LMNTD1: variants seen among roughly 807,000 people sequenced by gnomAD.
The protein encoded by LMNTD1 is lamin tail domain-containing protein 1.
LMNTD1 carries 35 observed loss-of-function variants against 50.9 expected under a neutral mutation model. The ratio of observed to expected loss-of-function variants is 0.69; its 90% CI spans 0.53 to 0.91. The LOEUF is 0.91. Ranked by LOEUF, LMNTD1 falls within the 40% of genes least tolerant of loss-of-function variation. The probability of loss-of-function intolerance (pLI) is 0.00; values close to 1 mark genes in which losing one functional copy is unlikely to be tolerated. For synonymous variants in LMNTD1, 153 were observed against 161.9 expected, an observed-to-expected ratio of 0.94 and a Z score of 0.42; for missense variants, 470 against 475.5, an observed-to-expected ratio of 0.99 and a Z score of 0.11.
intron 8 of LMNTD1, among the ~76,000 whole-genome samples, chr12:25,509,151 A>G (rs538886422): frequency 6.6e-6 from 1 of 152,362 alleles, no homozygotes; most frequent in Admixed American, 6.5e-5. Context: ...CTTGTCGTCC[A>G]GGCTGGAGTG....
At chr12:25,623,656 C>T (rs907955999) in intron 1 of LMNTD1, among the ~76,000 whole-genome samples, 5 of 149,080 alleles carry the variant, frequency 3.4e-5, no homozygotes, top group African/African-American at 4.9e-5. Flanking sequence ...GAATTTTGTT[C>T]TGGGATTTAG....
intron 4 of LMNTD1, among the ~76,000 whole-genome samples, chr12:25,537,969 A>G (rs1481359564): frequency 1.3e-5 from 2 of 149,958 alleles, no homozygotes; most frequent in East Asian, 2.0e-4. Flanking sequence ...AAGAAAGGGT[A>G]TCAGCAATGG....
At chr12:25,643,779 C>A (rs1410981593) in intron 1 of LMNTD1, among the ~76,000 whole-genome samples, 1 of 152,136 alleles carries the variant, frequency 6.6e-6, no homozygotes, top group Non-Finnish European at 1.5e-5. Context: ...TGGAAAGTGC[C>A]AGAGAAGTCA....
intron 1 of LMNTD1, among the ~76,000 whole-genome samples, chr12:25,621,729 A>T (rs1946477059): frequency 6.6e-6 from 1 of 152,206 alleles, no homozygotes; most frequent in African/African-American, 2.4e-5. Flanking sequence ...CACACTTGAG[A>T]TATAAAAATG....
At chr12:25,604,859 A>G (rs568404090) in intron 1 of LMNTD1, among the ~76,000 whole-genome samples, 40 of 152,284 alleles carry the variant, frequency 2.6e-4, no homozygotes, top group African/African-American at 8.9e-4. Context: ...TTGCGTATAT[A>G]CCCAGTAATG....
intron 9 of LMNTD1, among the ~76,000 whole-genome samples, chr12:25,484,505 A>G (rs2135909111): frequency 6.6e-6 from 1 of 152,006 alleles, no homozygotes; most frequent in South Asian, 2.1e-4. Context: ...TTCTTTTTAA[A>G]TTTATTTTTT....
intron 8 of LMNTD1, among the ~76,000 whole-genome samples, chr12:25,509,222 C>T (rs372331529): frequency 1.3e-5 from 2 of 152,192 alleles, no homozygotes; most frequent in South Asian, 4.1e-4. Flanking sequence ...ATTCTCCTGC[C>T]TCAGCCTCCA....
chr12:25,554,526 T>C (rs1943949957), upstream of LMNTD1, among the ~76,000 whole-genome samples: 1 of 152,232 alleles, frequency 6.6e-6, no homozygotes, highest in Non-Finnish European at 1.5e-5. Flanking sequence ...TTTCCTCTTT[T>C]GTTGTTGCTT....
chr12:25,605,108 G>A (rs1047348024), intron 1 of LMNTD1, among the ~76,000 whole-genome samples: 10 of 152,128 alleles, frequency 6.6e-5, no homozygotes, highest in Non-Finnish European at 1.5e-4. Flanking sequence ...GTGATGATGA[G>A]CATTTTTTCA....
At chr12:25,511,491 A>G (rs1416232378) in intron 8 of LMNTD1, among the ~76,000 whole-genome samples, 1 of 152,194 alleles carries the variant, frequency 6.6e-6, no homozygotes, top group African/African-American at 2.4e-5. Context: ...TAGGGCATCC[A>G]ACTAGAGATT....
intron 9 of LMNTD1, among the ~76,000 whole-genome samples, chr12:25,496,191 T>TGGGAGGGAAGTCTGTTAG (rs770419589): frequency 6.8e-4 from 104 of 152,268 alleles, no homozygotes; most frequent in Admixed American, 2.5e-3. Flanking sequence ...GAAAAGAGGT[T>TGGGAGGGAAGTCTGTTAG]GGGAGGGAAG....
intron 1 of LMNTD1, among the ~76,000 whole-genome samples, chr12:25,640,503 C>CAAA (rs199647514): frequency 8.8e-6 from 1 of 113,518 alleles, no homozygotes; most frequent in East Asian, 2.5e-4. Flanking sequence ...GAGACTGTCT[C>CAAA]AAAAAAAAAA....
intron 1 of LMNTD1, among the ~76,000 whole-genome samples, chr12:25,637,415 A>C (rs1353202829): frequency 6.6e-6 from 1 of 152,208 alleles, no homozygotes; most frequent in Non-Finnish European, 1.5e-5. Context: ...ATTAAGAAAT[A>C]ACATTATTTT....
intron 4 of LMNTD1, among the ~76,000 whole-genome samples, chr12:25,537,844 A>C (rs1176333052): frequency 2.0e-5 from 3 of 150,380 alleles, no homozygotes; most frequent in Admixed American, 6.6e-5. Context: ...AGAAGAATGT[A>C]TAACTAGAAT....
intron 1 of LMNTD1, among the ~76,000 whole-genome samples, chr12:25,607,628 A>G (rs1276421353): frequency 6.6e-6 from 1 of 152,140 alleles, no homozygotes; most frequent in African/African-American, 2.4e-5. Context: ...TTCAGTTTCC[A>G]TGTAGTTGAG....
chr12:25,513,942 A>G (rs1483477555), intron 8 of LMNTD1, among the ~76,000 whole-genome samples: 4 of 151,490 alleles, frequency 2.6e-5, no homozygotes, highest in Non-Finnish European at 4.4e-5. Context: ...AATTGATTTC[A>G]TATACCATGA....
intron 1 of LMNTD1, among the ~76,000 whole-genome samples, chr12:25,563,215 G>A (rs912101329): frequency 2.0e-5 from 3 of 152,226 alleles, no homozygotes; most frequent in Non-Finnish European, 2.9e-5. Flanking sequence ...GAGGAGAAGA[G>A]GCGCTCTGAT....
At chr12:25,568,635 G>T (rs1244030101) in intron 1 of LMNTD1, among the ~76,000 whole-genome samples, 1 of 152,210 alleles carries the variant, frequency 6.6e-6, no homozygotes, top group Non-Finnish European at 1.5e-5. Context: ...GGCCAGGCTT[G>T]GAATGCCAAA....
At chr12:25,524,337 A>G (rs1411540815) in intron 6 of LMNTD1, among the ~76,000 whole-genome samples, 1 of 152,172 alleles carries the variant, frequency 6.6e-6, no homozygotes, top group Non-Finnish European at 1.5e-5. Flanking sequence ...GATACGAAAT[A>G]TATTTAAATA....
Sources: gnomAD v4.1 joint callset for allele counts (sites outside exome capture counted in the v4.1 genomes callset) on GRCh38, gnomAD v4.1.1 for gene constraint, MANE v1.5 for transcripts, NCBI Gene and HGNC (gene_info 2026-07-23, HGNC 2026-07-21) for gene names.